CA10: variants seen among roughly 807,000 people sequenced by gnomAD.
The protein encoded by CA10 is carbonic anhydrase 10 (inactive).
Under a neutral mutation model 44.2 loss-of-function variants are expected in CA10, and 14 were observed. The ratio of observed to expected loss-of-function variants is 0.32; its 90% CI spans 0.21 to 0.50. The LOEUF (loss-of-function observed/expected upper bound fraction) is 0.50. CA10 is among the 20% of genes least tolerant of loss of function. CA10 has a pLI of 0.99. For synonymous variants in CA10, 159 were observed against 141.6 expected, an observed-to-expected ratio of 1.12 and a Z score of -0.87; for missense variants, 350 against 409.7, an observed-to-expected ratio of 0.85 and a Z score of 1.26.
intron 2 of CA10, among the ~76,000 whole-genome samples, chr17:51,943,531 G>T (rs916188217): frequency 2.0e-5 from 3 of 152,174 alleles, no homozygotes; most frequent in African/African-American, 7.2e-5. Context: ...CCAAATGTAT[G>T]CCCAGCCTTT....
At chr17:51,782,662 T>C (rs1254696079) in intron 3 of CA10, among the ~76,000 whole-genome samples, 1 of 152,208 alleles carries the variant, frequency 6.6e-6, no homozygotes, top group Non-Finnish European at 1.5e-5. Flanking sequence ...CCAAGAGGGA[T>C]GCTGTCTCTC....
chr17:51,639,170 CAT>C lies in CA10; in HGVS notation c.635-3163_635-3162del, dbSNP rs576146683. Among the ~76,000 whole-genome samples, 941 of 152,248 alleles carry C rather than the reference CAT, an allele frequency of 6.2e-3. 1 individual carries two copies. Among genetic ancestry groups the C allele is most frequent in the Non-Finnish European group, 1.0e-2 (677 of 68,022 alleles). On this transcript the variant is annotated intron_variant, in intron 6 of 8. Coordinates refer to ENST00000451037, the MANE Select transcript of CA10 (RefSeq NM_020178.5). ...GATGGTGGTTTGGCCTGAAGATTAA[CAT>C]ATTGAATAAGAGAAGGAAGCATTCA...
chr17:51,911,346 C>T (rs1193022448), intron 3 of CA10, among the ~76,000 whole-genome samples: 2 of 152,120 alleles, frequency 1.3e-5, no homozygotes, highest in Non-Finnish European at 2.9e-5. Flanking sequence ...CCTGCCTTGA[C>T]GACTTCATGA....
At chr17:51,742,586 T>A (rs1210556616) in intron 4 of CA10, among the ~76,000 whole-genome samples, 1 of 152,216 alleles carries the variant, frequency 6.6e-6, no homozygotes, top group Non-Finnish European at 1.5e-5. Context: ...TTTTCTGTTG[T>A]TTTGTTTCAG....
chr17:52,081,054 C>A (rs1987961633), intron 1 of CA10, among the ~76,000 whole-genome samples: 1 of 152,010 alleles, frequency 6.6e-6, no homozygotes, highest in Non-Finnish European at 1.5e-5. Flanking sequence ...CCATTAACAG[C>A]AAAACCCACA....
chr17:52,056,703 G>A (rs1200744557), intron 2 of CA10, among the ~76,000 whole-genome samples: 1 of 151,776 alleles, frequency 6.6e-6, no homozygotes, highest in Admixed American at 6.6e-5. Flanking sequence ...AATAACCTGA[G>A]GTTAAAGCAT....
chr17:51,740,216 G>C (rs1904402014), intron 4 of CA10, among the ~76,000 whole-genome samples: 1 of 151,962 alleles, frequency 6.6e-6, no homozygotes. Context: ...TATGTGTATG[G>C]GGAGATATTT....
chr17:52,003,760 G>C (rs889964719), intron 2 of CA10, among the ~76,000 whole-genome samples: 7 of 151,870 alleles, frequency 4.6e-5, no homozygotes, highest in African/African-American at 1.7e-4. Context: ...TTAAGGAAAA[G>C]GCAGAGAAAG....
intron 2 of CA10, among the ~76,000 whole-genome samples, chr17:52,055,925 G>A (rs1987215606): frequency 1.3e-5 from 2 of 152,092 alleles, no homozygotes; most frequent in Non-Finnish European, 2.9e-5. Flanking sequence ...TACACCCTGT[G>A]AATTTCAGGT....
intron 3 of CA10, among the ~76,000 whole-genome samples, chr17:51,920,053 C>T (rs1236245881): frequency 1.3e-5 from 2 of 152,156 alleles, no homozygotes; most frequent in African/African-American, 2.4e-5. Context: ...AACATTCTCT[C>T]TTGTAGGAAT....
chr17:51,970,946 A>G (rs1984259282), intron 2 of CA10, among the ~76,000 whole-genome samples: 1 of 152,072 alleles, frequency 6.6e-6, no homozygotes, highest in South Asian at 2.1e-4. Flanking sequence ...TTGACTACAC[A>G]ATGGATTTGC....
intron 4 of CA10, among the ~76,000 whole-genome samples, chr17:51,723,029 A>G (rs1049913094): frequency 6.6e-6 from 1 of 152,168 alleles, no homozygotes; most frequent in African/African-American, 2.4e-5. Context: ...CTCCTCCTCA[A>G]GTTAGTTTCC....
intron 3 of CA10, among the ~76,000 whole-genome samples, chr17:51,892,183 G>C (rs555959992): frequency 1.3e-5 from 2 of 152,160 alleles, no homozygotes; most frequent in African/African-American, 4.8e-5. Context: ...ATGAAGTGCC[G>C]GATTCATGGT....
At chr17:51,982,033 C>T (rs1984670226) in intron 2 of CA10, among the ~76,000 whole-genome samples, 1 of 152,000 alleles carries the variant, frequency 6.6e-6, no homozygotes, top group Non-Finnish European at 1.5e-5. Context: ...ATAGATTAAA[C>T]AAATATCAGA....
chr17:51,634,863 G>A (rs1912754499), intron 7 of CA10, among the ~76,000 whole-genome samples: 1 of 152,068 alleles, frequency 6.6e-6, no homozygotes. Flanking sequence ...CTTCCATTTT[G>A]CTTGCTTGCT....
At chr17:52,102,684 T>TCAG (rs1380038068) in intron 1 of CA10, among the ~76,000 whole-genome samples, 1 of 152,222 alleles carries the variant, frequency 6.6e-6, no homozygotes, top group Non-Finnish European at 1.5e-5. Context: ...TTGGGCTTCT[T>TCAG]CAGTGGAACC....
chr17:52,069,009 C>T (rs1417676073), intron 2 of CA10, among the ~76,000 whole-genome samples: 2 of 152,210 alleles, frequency 1.3e-5, no homozygotes, highest in Non-Finnish European at 2.9e-5. Flanking sequence ...GTTGATATTG[C>T]TGCTCCTGGC....
intron 2 of CA10, among the ~76,000 whole-genome samples, chr17:52,042,402 AC>A (rs1345138505): frequency 7.9e-5 from 12 of 152,040 alleles, no homozygotes; most frequent in African/African-American, 2.9e-4. Context: ...TTTAAAAAAA[AC>A]ATTTATCTAG....
At chr17:51,788,766 A>C (rs1906394624) in intron 3 of CA10, among the ~76,000 whole-genome samples, 2 of 152,204 alleles carry the variant, frequency 1.3e-5, no homozygotes, top group Non-Finnish European at 2.9e-5. Flanking sequence ...GAATAGACAC[A>C]GATTAAAGTC....
Sources: gnomAD v4.1 joint callset for allele counts (sites outside exome capture counted in the v4.1 genomes callset) on GRCh38, gnomAD v4.1.1 for gene constraint, MANE v1.5 for transcripts, NCBI Gene and HGNC (gene_info 2026-07-23, HGNC 2026-07-21) for gene names.